IPO5: variants seen among roughly 807,000 people sequenced by gnomAD.
IPO5 encodes the protein importin 5, also known as importin-5.
In IPO5, 18 loss-of-function variants were observed where a neutral mutation model predicts 143.3. The ratio of observed to expected loss-of-function variants is 0.13; its 90% confidence interval spans 0.09 to 0.19. IPO5 has a LOEUF of 0.19. IPO5 is among the 10% of genes least tolerant of loss of function. The probability of loss-of-function intolerance (pLI) is 1.00; values close to 1 mark genes in which losing one functional copy is unlikely to be tolerated. For synonymous variants in IPO5, 477 were observed against 465.7 expected (o/e 1.02, Z -0.31); for missense variants, 1,013 against 1,336.9 (o/e 0.76, Z 3.78).
chr13:97,963,816 G>T (rs891417625), intron 2 of IPO5, among the ~76,000 whole-genome samples: 1 of 152,176 alleles, frequency 6.6e-6, no homozygotes, highest in Non-Finnish European at 1.5e-5. Flanking sequence ...CCCACCAACA[G>T]TGTAAAAGCA....
intron 11 of IPO5, 151 bp downstream of exon 11, chr13:97,993,376 G>C: frequency 1.5e-6 from 1 of 670,870 alleles, no homozygotes; most frequent in Non-Finnish European, 2.5e-6. Flanking sequence ...CTCAATACAT[G>C]CAAGCGTGGA....
At position 97,985,513 on chromosome 13, in the gene IPO5, C is replaced by T. The variant is rs750441291; in HGVS notation, c.264C>T (p.Ala88=). The T allele has an allele frequency of 6.2e-6, 10 of 1,613,592 alleles. No homozygotes were observed. Among genetic ancestry groups the T allele is most frequent in the Non-Finnish European group, 8.5e-6 (10 of 1,179,574 alleles). The change falls in exon 6 of 29, where the codon GCC becomes GCT. Residue 88 remains alanine (A), a synonymous_variant. Coordinates refer to ENST00000651721, the MANE Select transcript of IPO5 (RefSeq NM_002271.6). ...YPALPSDVQT[A]IKSELLMIIQ... ...CACTTCCCTCTGATGTTCAGACTGC[C>T]ATCAAGAGTGAGCTACTCATGATTA... is the stretch of plus-strand genomic sequence containing the variant.
chr13:97,985,492 T>G lies in IPO5; in HGVS notation c.243T>G (p.Leu81=). Residue 81 remains leucine (L), a synonymous_variant, in exon 6 of 29, where the codon CTT becomes CTG. Transcript: ENST00000651721. ...SSAFDEVYPA[L]PSDVQTAIKS... ...CATTTGATGAAGTCTATCCAGCACT[T>G]CCCTCTGATGTTCAGACTGCCATCA... 1.9e-6 allele frequency: 3 copies of G among 1,614,056 alleles called. No individual in the cohort carries two copies. Among genetic ancestry groups the G allele is most frequent in the Non-Finnish European group, 2.5e-6 (3 of 1,179,944 alleles).
intron 2 of IPO5, among the ~76,000 whole-genome samples, chr13:97,959,707 C>T (rs1884719026): frequency 1.3e-5 from 2 of 152,162 alleles, no homozygotes; most frequent in African/African-American, 2.4e-5. Context: ...GCACTCCAGC[C>T]GGGGTGACGG....
chr13:98,003,007 G>A lies in IPO5; in HGVS notation c.1467G>A (p.Leu489=). 1 of 1,613,174 alleles carries A rather than the reference G, an allele frequency of 6.2e-7. No individual in the cohort carries two copies. The highest frequency in any genetic ancestry group is 8.5e-7 in the Non-Finnish European group (1 of 1,179,616). Residue 489 remains leucine, a synonymous_variant, in exon 16 of 29, where the codon CTG becomes CTA. Coordinates refer to ENST00000651721, the MANE Select transcript of IPO5 (RefSeq NM_002271.6). The part of the protein sequence containing the change: ...IPYLDNLVKH[L]HSIMVLKLQE... ...ACTTGGATAATTTGGTGAAACATCTGCATTCCATTATGGTACTGAAGCTTC... is the reference window on the plus strand; with the variant it reads ...ACTTGGATAATTTGGTGAAACATCTACATTCCATTATGGTACTGAAGCTTC...
chr13:98,011,895 G>C (rs1348911013), intron 20 of IPO5, among the ~76,000 whole-genome samples: 1 of 152,072 alleles, frequency 6.6e-6, no homozygotes, highest in Non-Finnish European at 1.5e-5. Flanking sequence ...AGGGTTTTTT[G>C]TATCTTTTAG....
At chr13:97,984,267 C>T (rs1033768570) in intron 5 of IPO5, among the ~76,000 whole-genome samples, 3 of 151,970 alleles carry the variant, frequency 2.0e-5, no homozygotes, top group Admixed American at 1.3e-4. Flanking sequence ...CGTGAGCCAC[C>T]GCGCCCGGCC....
intron 28 of IPO5, 36 bp from the exon 29 acceptor site, chr13:98,021,700 T>G (rs1486970131): frequency 1.5e-6 from 2 of 1,306,134 alleles, no homozygotes; most frequent in Admixed American, 2.1e-5. Context: ...AAATGAGCAT[T>G]TCGTCCTAAG....
intron 2 of IPO5, among the ~76,000 whole-genome samples, chr13:97,967,866 T>C (rs775453467): frequency 1.3e-5 from 2 of 152,128 alleles, no homozygotes; most frequent in South Asian, 2.1e-4. Flanking sequence ...CTCCTGACCT[T>C]GTGATCCGCC....
intron 3 of IPO5, among the ~76,000 whole-genome samples, chr13:97,975,397 A>G (rs1207413908): frequency 6.6e-6 from 1 of 152,166 alleles, no homozygotes; most frequent in Non-Finnish European, 1.5e-5. Flanking sequence ...AGGCTGAGGC[A>G]TGAGAATTGT....
At chr13:97,986,595 C>G (rs562682549) in intron 6 of IPO5, among the ~76,000 whole-genome samples, 11 of 152,156 alleles carry the variant, frequency 7.2e-5, no homozygotes, top group African/African-American at 2.6e-4. Context: ...GGTGATCTGC[C>G]CATCTCGGCC....
intron 2 of IPO5, among the ~76,000 whole-genome samples, chr13:97,961,791 G>A (rs1379018137): frequency 2.0e-5 from 3 of 152,004 alleles, no homozygotes; most frequent in Non-Finnish European, 2.9e-5. Flanking sequence ...TTTTAATTGA[G>A]AGTAGGGCTT....
rs1886741452 is a variant in IPO5 at position 97,980,387 on chromosome 13, A to G, written c.91-2116A>G. On this transcript the variant is annotated intron_variant, in intron 4 of 28. Transcript: ENST00000651721. The stretch of plus-strand genomic sequence containing the variant: ...TCCCACCATTGGCTTCTAATTCATT[A>G]TGGAGTAGAGTTTAATATTTGGCCC... 2.0e-5 allele frequency among the ~76,000 whole-genome samples: 3 copies of G among 152,186 alleles called. No individual in the cohort carries two copies. In the South Asian group the frequency reaches 6.2e-4, roughly 32 times the overall value.
At chr13:97,972,368 A>G (rs1228489326) in intron 3 of IPO5, among the ~76,000 whole-genome samples, 1 of 152,212 alleles carries the variant, frequency 6.6e-6, no homozygotes, top group African/African-American at 2.4e-5. Flanking sequence ...CATAAAACTA[A>G]GAGCAGTAGT....
At chr13:98,012,772 G>A (rs1294240441) in intron 21 of IPO5, among the ~76,000 whole-genome samples, 2 of 150,466 alleles carry the variant, frequency 1.3e-5, no homozygotes, top group Non-Finnish European at 1.5e-5. Context: ...TGGGACCCAG[G>A]TGCACAACAC....
Position 97,969,765 on chromosome 13 carries a change from T to C in IPO5, c.-70T>C. 1 of 1,607,916 alleles carries C rather than the reference T, an allele frequency of 6.2e-7. No homozygotes were observed. On this transcript the variant is annotated 5_prime_UTR_variant, in exon 3 of 29. Transcript: ENST00000651721. ...TAAGGGAACACTGCTCAGAAAGTAC[T>C]GCAGCATGTCTTCAAATGCCTGAGG...
At chr13:97,982,791 G>A (rs938836991) in intron 5 of IPO5, among the ~76,000 whole-genome samples, 8 of 152,148 alleles carry the variant, frequency 5.3e-5, no homozygotes, top group African/African-American at 9.6e-5. Context: ...CCTTTTTTCC[G>A]CATAAGATAA....
At chr13:97,970,478 G>A (rs772889490) in intron 3 of IPO5, among the ~76,000 whole-genome samples, 10 of 151,880 alleles carry the variant, frequency 6.6e-5, no homozygotes, top group East Asian at 1.9e-4. Flanking sequence ...AAAATTAGCC[G>A]GGCATGGTGG....
chr13:97,968,090 T>G (rs1307701191), intron 2 of IPO5, among the ~76,000 whole-genome samples: 1 of 152,194 alleles, frequency 6.6e-6, no homozygotes, highest in Non-Finnish European at 1.5e-5. Context: ...TCCAAAGCAC[T>G]GTGATTAGAG....
Sources: allele counts gnomAD v4.1 joint callset (sites outside exome capture counted in the v4.1 genomes callset), GRCh38; gene constraint gnomAD v4.1.1; transcripts MANE v1.5; gene names NCBI Gene and HGNC (gene_info 2026-07-23, HGNC 2026-07-21).